The following NALCN variants were observed in gnomAD, a reference collection of about 807,000 sequenced individuals.
NALCN encodes the protein sodium leak channel, non-selective, also known as sodium leak channel NALCN.
A neutral mutation model predicts 225.3 loss-of-function variants in NALCN; 111 were observed. The observed-to-expected ratio is 0.49, with a 90% confidence interval of 0.42 to 0.58. The LOEUF (loss-of-function observed/expected upper bound fraction) is 0.58, where lower values mean the gene tolerates loss of function less well. Ranked by LOEUF, NALCN falls within the 20% of genes least tolerant of loss-of-function variation. The probability of loss-of-function intolerance (pLI) is 0.00; values close to 1 mark genes in which losing one functional copy is unlikely to be tolerated. For missense variants in NALCN, 1,378 were observed against 2,202.4 expected, an observed-to-expected ratio of 0.63 and a Z score of 7.49; for synonymous variants, 764 against 769.0, an observed-to-expected ratio of 0.99 and a Z score of 0.11.
chr13:101,322,651 T>A (rs904976862), intron 7 of NALCN, among the ~76,000 whole-genome samples: 1 of 152,224 alleles, frequency 6.6e-6, no homozygotes, highest in Non-Finnish European at 1.5e-5. Context: ...AGAAACCACT[T>A]GTTTTAACTA....
chr13:101,066,229 G>A (rs946965504), intron 39 of NALCN, among the ~76,000 whole-genome samples: 1 of 151,504 alleles, frequency 6.6e-6, no homozygotes, highest in Non-Finnish European at 1.5e-5. Context: ...GGGAGGCTGA[G>A]GCTGGGGAAT....
In NALCN at chr13:101,310,775, T is replaced by A. The variant is rs1323120451; in HGVS notation, c.800-18409A>T. Among the ~76,000 whole-genome samples, 4 of 152,040 alleles carry A rather than the reference T, an allele frequency of 2.6e-5. No individual in the cohort carries two copies. The East Asian group carries it at 7.8e-4, about 30-fold the overall frequency. ...TTTTGAATATTGAATGGATAAAATA[T>A]TTTCCCATATAATCAATTGACCAGG... On this transcript the variant is annotated intron_variant, in intron 7 of 43. Coordinates refer to ENST00000251127, the MANE Select transcript of NALCN (RefSeq NM_052867.4).
chr13:101,062,521 C>T (rs2032036819), intron 40 of NALCN, among the ~76,000 whole-genome samples: 1 of 152,166 alleles, frequency 6.6e-6, no homozygotes, highest in Non-Finnish European at 1.5e-5. Flanking sequence ...ATATGCTCGG[C>T]TGTGCGTCAC....
rs2046703833 is a variant in NALCN, at chr13:101,376,763, A to C, written c.581T>G (p.Ile194Ser). Residue 194 changes from isoleucine (I) to serine (S), a missense_variant, in exon 6 of 44, where the codon ATT becomes AGT. Coordinates refer to ENST00000251127, the MANE Select transcript of NALCN (RefSeq NM_052867.4). ...FLLFFLLLYGILGVQMFGTFT... is the reference protein window; with the variant it reads ...FLLFFLLLYGSLGVQMFGTFT... ...TGTTCCAAACATCTGAACTCCTAAA[A>C]TTCCATAAAGAAGTAGAAAGAAAAG... The C allele has an allele frequency of 6.2e-7, 1 of 1,613,600 alleles. No individual in the cohort carries two copies. Among genetic ancestry groups the C allele is most frequent in the African/African-American group, 1.3e-5 (1 of 74,888 alleles).
rs1480741023 is a variant in NALCN at position 101,299,842 on chromosome 13, A to G, written c.800-7476T>C. Among the ~76,000 whole-genome samples, 9 of 152,286 alleles carry G rather than the reference A, an allele frequency of 5.9e-5. No individual in the cohort carries two copies. In the East Asian group the frequency reaches 1.5e-3, roughly 26 times the overall value. On this transcript the variant is annotated intron_variant, in intron 7 of 43. Coordinates refer to ENST00000251127, the MANE Select transcript of NALCN (RefSeq NM_052867.4). ...GCAGATTTTAGCCACATATTAAAAA[A>G]AATTTTAGCCAAAGGTCAGTAGTGA...
Position 101,320,554 on chromosome 13 carries a change from T to C in NALCN, c.799+24712A>G, listed in dbSNP as rs141835035. ...TGCCATATAAAGAAGGTTTTTAAAA[T>C]AGGAGAATATTAGAGTGGGGGAGGA... On this transcript the variant is annotated intron_variant, in intron 7 of 43. Transcript: ENST00000251127. 4.2e-3 allele frequency among the ~76,000 whole-genome samples: 637 copies of C among 152,266 alleles called. 4 individuals are homozygous for C. The highest frequency in any genetic ancestry group is 0.014 in the African/African-American group (602 of 41,564).
intron 14 of NALCN, among the ~76,000 whole-genome samples, chr13:101,178,242 G>A (rs2039042746): frequency 1.3e-5 from 2 of 152,100 alleles, no homozygotes; most frequent in South Asian, 2.1e-4. Flanking sequence ...TTCTGCAGGA[G>A]GGGATATCTT....
At chr13:101,399,525 C>A (rs1285591629) in intron 1 of NALCN, among the ~76,000 whole-genome samples, 2 of 152,154 alleles carry the variant, frequency 1.3e-5, no homozygotes, top group Non-Finnish European at 2.9e-5. Context: ...GTGCTTTGTG[C>A]TAGAACACTG....
chr13:101,347,447 G>A (rs950129743), intron 6 of NALCN, among the ~76,000 whole-genome samples: 3 of 152,140 alleles, frequency 2.0e-5, no homozygotes, highest in Non-Finnish European at 4.4e-5. Flanking sequence ...TATTATTTTA[G>A]ACAGACACAT....
chr13:101,290,133 A>G (rs1425877385), intron 9 of NALCN, among the ~76,000 whole-genome samples: 1 of 152,252 alleles, frequency 6.6e-6, no homozygotes, highest in Non-Finnish European at 1.5e-5. Context: ...TTGATTAAGT[A>G]CAATTTTGCA....
chr13:101,346,949 C>T (rs2045758007), intron 6 of NALCN, among the ~76,000 whole-genome samples: 1 of 152,152 alleles, frequency 6.6e-6, no homozygotes, highest in Non-Finnish European at 1.5e-5. Context: ...AACCCTAAGA[C>T]AGCCTCAGTC....
At chr13:101,111,673 C>T (rs2035444607) in intron 18 of NALCN, among the ~76,000 whole-genome samples, 1 of 152,094 alleles carries the variant, frequency 6.6e-6, no homozygotes, top group South Asian at 2.1e-4. Context: ...GTGCTTTTCT[C>T]GTGATTGTGA....
At chr13:101,332,044 T>C (rs543031834) in intron 7 of NALCN, among the ~76,000 whole-genome samples, 1 of 152,204 alleles carries the variant, frequency 6.6e-6, no homozygotes, top group Admixed American at 6.5e-5. Context: ...AACCCGCCCA[T>C]TGTGTGGTAA....
intron 36 of NALCN, among the ~76,000 whole-genome samples, chr13:101,074,172 G>A (rs972578680): frequency 1.3e-5 from 2 of 152,074 alleles, no homozygotes; most frequent in African/African-American, 4.8e-5. Flanking sequence ...TCTTAAAATT[G>A]TTCCATCTAA....
intron 3 of NALCN, among the ~76,000 whole-genome samples, chr13:101,390,303 A>G (rs2047108480): frequency 6.6e-6 from 1 of 152,128 alleles, no homozygotes; most frequent in Non-Finnish European, 1.5e-5. Flanking sequence ...TGTTCAGGAA[A>G]TGATGAAAAA....
Position 101,292,455 on chromosome 13 carries a change from A to G in NALCN, c.800-89T>C. 7.4e-7 allele frequency: 1 copy of G among 1,357,988 alleles called. No individual in the cohort carries two copies. The highest frequency in any genetic ancestry group is 1.5e-5 in the South Asian group (1 of 64,638). The allele number at this position is 1,357,988 out of a possible 1,614,324, so 84.1% of individuals were successfully genotyped here. A position where few individuals can be genotyped will look rare whatever the true frequency, so the allele number is the denominator to read the frequency against. The stretch of plus-strand genomic sequence containing the variant: ...AGAAAAACAATCAATATTTATCCAT[A>G]CTTATTTTCTCAATGACAAAAGTGC... On this transcript the variant is annotated intron_variant, in intron 7 of 43. Transcript: ENST00000251127. This position sits in a 1 kb window ranked among gnomAD's most constrained non-coding sequence, Gnocchi z 4.3.
chr13:101,086,107 TA>T (rs1372552651), intron 30 of NALCN, among the ~76,000 whole-genome samples: 2 of 151,812 alleles, frequency 1.3e-5, no homozygotes, highest in Admixed American at 1.3e-4. Flanking sequence ...TGACTTGATT[TA>T]AAAAAAACCA....
At chr13:101,397,105 T>TAC (rs1289465744) in intron 2 of NALCN, among the ~76,000 whole-genome samples, 2 of 77,822 alleles carry the variant, frequency 2.6e-5, no homozygotes, top group Non-Finnish European at 4.7e-5. Context: ...TATATATATA[T>TAC]ATATACATAC....
intron 7 of NALCN, among the ~76,000 whole-genome samples, chr13:101,327,554 A>G (rs1408046886): frequency 6.6e-6 from 1 of 152,214 alleles, no homozygotes; most frequent in African/African-American, 2.4e-5. Flanking sequence ...AAAGTGAATG[A>G]CAGGTTTAAG....
Sources: allele counts gnomAD v4.1 joint callset (sites outside exome capture counted in the v4.1 genomes callset), GRCh38; gene constraint gnomAD v4.1.1; non-coding constraint Gnocchi (gnomAD v3.1); transcripts MANE v1.5; gene names NCBI Gene and HGNC (gene_info 2026-07-23, HGNC 2026-07-21).